The following PLEKHA5 variants were observed in gnomAD, a reference collection of about 807,000 sequenced individuals.
PLEKHA5 encodes pleckstrin homology domain-containing family A member 5.
Under a neutral mutation model 181.9 loss-of-function variants are expected in PLEKHA5, and 55 were observed. That is an observed-to-expected ratio of 0.30 (90% CI 0.24 to 0.38). The LOEUF is 0.38. Among genes scored for constraint, PLEKHA5 ranks in the 10% least tolerant of loss-of-function variants. PLEKHA5 has a pLI of 1.00. For synonymous variants in PLEKHA5, 535 were observed against 529.4 expected, an observed-to-expected ratio of 1.01 and a Z score of -0.15; for missense variants, 1,432 against 1,549.5, an observed-to-expected ratio of 0.92 and a Z score of 1.27.
intron 16 of PLEKHA5, among the ~76,000 whole-genome samples, chr12:19,317,374 G>A (rs1290404783): frequency 6.7e-6 from 1 of 148,378 alleles, no homozygotes; most frequent in Non-Finnish European, 1.5e-5. Context: ...TTTTTTTTAA[G>A]CATTCTGTAT....
In PLEKHA5 at chr12:19,130,539, C is replaced by T. The variant is rs1444249098; in HGVS notation, c.169+409C>T. On this transcript the variant is annotated intron_variant, in intron 2 of 31. Coordinates refer to ENST00000429027, the MANE Select transcript of PLEKHA5 (RefSeq NM_001256470.2). The surrounding 1 kb of genome is among the most constrained non-coding windows in gnomAD (Gnocchi z 4.5). ...GCCCCCCAGCAATCTTCAGGCAGTC[C>T]TTACCCACTCCCCTCCCTGCAGCCC... 6.6e-6 allele frequency among the ~76,000 whole-genome samples: 1 copy of T among 151,824 alleles called. No homozygotes were observed. The highest frequency in any genetic ancestry group is 1.5e-5 in the Non-Finnish European group (1 of 67,912).
At chr12:19,310,014 A>G (rs1193521815) in intron 15 of PLEKHA5, among the ~76,000 whole-genome samples, 1 of 152,184 alleles carries the variant, frequency 6.6e-6, no homozygotes, top group Non-Finnish European at 1.5e-5. Flanking sequence ...AAATTGTGTA[A>G]TGCCTGAATC....
At chr12:19,177,461 G>A (rs2047583462) in intron 3 of PLEKHA5, among the ~76,000 whole-genome samples, 1 of 152,166 alleles carries the variant, frequency 6.6e-6, no homozygotes, top group African/African-American at 2.4e-5. Context: ...GGGAAACTAA[G>A]GATGAGGGAG....
At chr12:19,336,733 C>G in intron 21 of PLEKHA5, 117 bp downstream of exon 21, 1 of 608,028 alleles carries the variant, frequency 1.6e-6, no homozygotes, top group Non-Finnish European at 2.9e-6. Context: ...CTACCTGAGA[C>G]CTGGATTTGA....
intron 3 of PLEKHA5, among the ~76,000 whole-genome samples, chr12:19,235,953 G>A (rs1014888826): frequency 6.6e-6 from 1 of 152,118 alleles, no homozygotes; most frequent in South Asian, 2.1e-4. Flanking sequence ...TTGAAAACAT[G>A]CACGTGTTTT....
rs541514217 is a variant in PLEKHA5, at chr12:19,334,460, A to G, written c.2449-2055A>G. ...TGTTCTTATACTTAAATGCCTCTGC[A>G]GTGCAGTTAAGCCTACCCTGAACTC... On this transcript the variant is annotated intron_variant, in intron 20 of 31. Transcript: ENST00000429027. 3.9e-5 allele frequency among the ~76,000 whole-genome samples: 6 copies of G among 152,292 alleles called. No homozygotes were observed. In the South Asian group the frequency reaches 1.0e-3, roughly 26 times the overall value.
chr12:19,254,680 G>A (rs774114575), intron 4 of PLEKHA5, among the ~76,000 whole-genome samples: 3 of 152,032 alleles, frequency 2.0e-5, no homozygotes, highest in East Asian at 3.9e-4. Context: ...AAAATTAGCC[G>A]GGCATGGTGG....
intron 26 of PLEKHA5, among the ~76,000 whole-genome samples, chr12:19,357,730 G>A (rs1019178870): frequency 6.6e-6 from 1 of 151,446 alleles, no homozygotes; most frequent in South Asian, 2.1e-4. Flanking sequence ...CCACCTCCTG[G>A]GCTCAAACCA....
At chr12:19,276,545 G>A (rs964341085) in intron 11 of PLEKHA5, among the ~76,000 whole-genome samples, 3 of 152,150 alleles carry the variant, frequency 2.0e-5, no homozygotes, top group African/African-American at 7.2e-5. Context: ...ACAAAGATTA[G>A]CCAGACATTT....
chr12:19,342,383 G>C (rs2094001861), intron 21 of PLEKHA5, among the ~76,000 whole-genome samples: 3 of 151,996 alleles, frequency 2.0e-5, no homozygotes, highest in South Asian at 2.1e-4. Context: ...TTGGCCGGGC[G>C]CGGTGGCTCA....
intron 26 of PLEKHA5, among the ~76,000 whole-genome samples, chr12:19,356,240 C>T (rs536933698): frequency 1.3e-5 from 2 of 151,846 alleles, no homozygotes; most frequent in East Asian, 3.9e-4. Flanking sequence ...TTAGGCCAGG[C>T]ATAGTAGCTC....
intron 3 of PLEKHA5, among the ~76,000 whole-genome samples, chr12:19,165,328 T>C (rs2044071282): frequency 6.6e-6 from 1 of 152,192 alleles, no homozygotes; most frequent in African/African-American, 2.4e-5. Flanking sequence ...TATGTCAAGC[T>C]TACACACGTG....
At chr12:19,311,701 T>C (rs1228222242) in intron 15 of PLEKHA5, among the ~76,000 whole-genome samples, 2 of 152,190 alleles carry the variant, frequency 1.3e-5, no homozygotes, top group African/African-American at 4.8e-5. Flanking sequence ...ATTCTTTTTA[T>C]TTCCACCACA....
At chr12:19,175,194 C>T (rs1473963008) in intron 3 of PLEKHA5, among the ~76,000 whole-genome samples, 3 of 152,130 alleles carry the variant, frequency 2.0e-5, no homozygotes, top group African/African-American at 4.8e-5. Context: ...TACTACTGAT[C>T]GAGTGTAAAC....
At chr12:19,219,554 C>T (rs182204584) in intron 3 of PLEKHA5, among the ~76,000 whole-genome samples, 12 of 149,976 alleles carry the variant, frequency 8.0e-5, no homozygotes, top group African/African-American at 2.9e-4. Context: ...AATTGGCAAT[C>T]ATAATTTACA....
intron 3 of PLEKHA5, among the ~76,000 whole-genome samples, chr12:19,169,219 A>G (rs903268178): frequency 3.3e-5 from 5 of 152,130 alleles, no homozygotes; most frequent in Non-Finnish European, 7.4e-5. Context: ...TAATATTTGA[A>G]TTTAAGTAAA....
intron 3 of PLEKHA5, among the ~76,000 whole-genome samples, chr12:19,184,951 C>T (rs1262612391): frequency 6.6e-6 from 1 of 152,064 alleles, no homozygotes; most frequent in Non-Finnish European, 1.5e-5. Flanking sequence ...GTTATATAGT[C>T]GGTGGAGGCA....
intron 29 of PLEKHA5, among the ~76,000 whole-genome samples, chr12:19,362,992 A>C (rs1008642181): frequency 3.3e-5 from 5 of 151,444 alleles, no homozygotes; most frequent in Admixed American, 6.6e-5. Context: ...AGATTTTGCT[A>C]TCTGTGGGGG....
At chr12:19,189,151 A>G (rs1484655959) in intron 3 of PLEKHA5, among the ~76,000 whole-genome samples, 1 of 152,218 alleles carries the variant, frequency 6.6e-6, no homozygotes, top group Non-Finnish European at 1.5e-5. Flanking sequence ...GTGTGCCTGG[A>G]ACTAGGCAAG....
Sources: gnomAD v4.1 joint callset for allele counts (sites outside exome capture counted in the v4.1 genomes callset) on GRCh38, gnomAD v4.1.1 for gene constraint, Gnocchi (gnomAD v3.1) non-coding constraint, MANE v1.5 for transcripts, NCBI Gene and HGNC (gene_info 2026-07-23, HGNC 2026-07-21) for gene names.